Variants in IL15 observed in about 807,000 individuals in gnomAD.
IL15 encodes interleukin-15.
A neutral mutation model predicts 19.6 loss-of-function variants in IL15; 11 were observed. That is an observed-to-expected ratio of 0.56 (90% confidence interval 0.35 to 0.93). The LOEUF (loss-of-function observed/expected upper bound fraction) is 0.93. IL15 is among the 40% of genes least tolerant of loss of function. The probability of loss-of-function intolerance (pLI) is 0.01; values close to 1 mark genes in which losing one functional copy is unlikely to be tolerated. For synonymous variants in IL15, 58 were observed against 59.6 expected, an observed-to-expected ratio of 0.97 and a Z score of 0.12; for missense variants, 197 against 186.5, an observed-to-expected ratio of 1.06 and a Z score of -0.33.
At chr4:141,683,299 G>T (rs548047359) in intron 2 of IL15, among the ~76,000 whole-genome samples, 42 of 151,448 alleles carry the variant, frequency 2.8e-4, no homozygotes, top group South Asian at 1.9e-3. Flanking sequence ...GGCTGGGCGC[G>T]GTGGCTCATG....
intron 4 of IL15, chr4:141,721,705 T>G (rs1730087262): frequency 1.8e-6 from 1 of 561,250 alleles, no homozygotes; most frequent in African/African-American, 1.9e-5. Context: ...TTTTCTCTAA[T>G]CCGGGTTGGT....
In IL15 at chr4:141,642,684, C is replaced by T. The variant is rs1212187293; in HGVS notation, c.-222+5936C>T. Among the ~76,000 whole-genome samples the T allele has an allele frequency of 4.6e-5, 7 of 152,324 alleles. 1 individual carries two copies. The East Asian group carries it at 1.3e-3, about 29-fold the overall frequency. Reference sequence around the variant, plus strand: ...TCAGTGTCCAGACACACTTGCCATTCTTTGTCAGCCTTCATGGGTCCTGCT... The same window carrying T: ...TCAGTGTCCAGACACACTTGCCATTTTTTGTCAGCCTTCATGGGTCCTGCT... On this transcript the variant is annotated intron_variant, in intron 1 of 7. Transcript: ENST00000320650.
At chr4:141,675,714 C>A (rs1218412981) in intron 2 of IL15, among the ~76,000 whole-genome samples, 2 of 150,868 alleles carry the variant, frequency 1.3e-5, no homozygotes, top group Non-Finnish European at 2.9e-5. Flanking sequence ...TGAGGACTGC[C>A]ACTTTGATTG....
At position 141,709,628 on chromosome 4, in the gene IL15, T is replaced by A. The variant is rs116689267; in HGVS notation, c.-99-9738T>A. Reference sequence around the variant, plus strand: ...CTAGCCTTACTGATTTCTGTATATGTTTAAATTTCTAAAAACTATGTTAAA... The same window carrying A: ...CTAGCCTTACTGATTTCTGTATATGATTAAATTTCTAAAAACTATGTTAAA... On this transcript the variant is annotated intron_variant, in intron 2 of 7. Coordinates refer to ENST00000320650, the MANE Select transcript of IL15 (RefSeq NM_000585.5). 2.3e-3 allele frequency among the ~76,000 whole-genome samples: 348 copies of A among 152,338 alleles called. 2 individuals are homozygous for A. The highest frequency in any genetic ancestry group is 0.02 in the Middle Eastern group (6 of 294).
intron 2 of IL15, among the ~76,000 whole-genome samples, chr4:141,661,891 GTC>G (rs1373816775): frequency 6.6e-6 from 1 of 151,882 alleles, no homozygotes. Context: ...TTTTTTCTGT[GTC>G]TCATGATGAT....
At chr4:141,659,412 A>G (rs1727716285) in intron 2 of IL15, among the ~76,000 whole-genome samples, 2 of 151,874 alleles carry the variant, frequency 1.3e-5, no homozygotes, top group South Asian at 4.1e-4. Context: ...CATGTTGGTC[A>G]GGCTGGTCTC....
intron 2 of IL15, among the ~76,000 whole-genome samples, chr4:141,697,608 T>A (rs1257551757): frequency 1.3e-5 from 2 of 152,108 alleles, no homozygotes; most frequent in Non-Finnish European, 2.9e-5. Flanking sequence ...GGCAATATGG[T>A]CATTTTCACA....
At chr4:141,659,538 C>T (rs1727721199) in intron 2 of IL15, among the ~76,000 whole-genome samples, 1 of 152,084 alleles carries the variant, frequency 6.6e-6, no homozygotes, top group Admixed American at 6.6e-5. Context: ...GTATTGCTAC[C>T]ATTGAGGGGT....
intron 1 of IL15, among the ~76,000 whole-genome samples, chr4:141,644,731 C>A (rs1408453219): frequency 1.3e-5 from 2 of 152,086 alleles, no homozygotes; most frequent in Non-Finnish European, 2.9e-5. Flanking sequence ...CTGTGACCTT[C>A]CCCTTGTCCC....
chr4:141,698,630 G>A (rs1729180307), intron 2 of IL15, among the ~76,000 whole-genome samples: 1 of 151,966 alleles, frequency 6.6e-6, no homozygotes, highest in Non-Finnish European at 1.5e-5. Flanking sequence ...GCATAAAGTT[G>A]TCCATAGTAG....
chr4:141,646,603 A>G (rs1275507976), intron 1 of IL15, among the ~76,000 whole-genome samples: 3 of 152,138 alleles, frequency 2.0e-5, no homozygotes, highest in African/African-American at 2.4e-5. Flanking sequence ...GGAAAGTAAT[A>G]TAGTGTGTTT....
intron 2 of IL15, among the ~76,000 whole-genome samples, chr4:141,666,461 T>A (rs1373201516): frequency 6.6e-6 from 1 of 152,094 alleles, no homozygotes; most frequent in African/African-American, 2.4e-5. Flanking sequence ...ACTCAGGTGA[T>A]CCTCCCATCT....
chr4:141,720,118 C>T lies in IL15; in HGVS notation c.13-351C>T, dbSNP rs192203965. On this transcript the variant is annotated intron_variant, in intron 3 of 7. Transcript: ENST00000320650. ...ACCTGTGCTGTATAAAATATTTTGA[C>T]CTATTAAAAAAGAAAGAAGGATGAG... Among the ~76,000 whole-genome samples, 3 of 151,540 alleles carry T rather than the reference C, an allele frequency of 2.0e-5. No homozygotes were observed. The East Asian group carries it at 5.8e-4, about 29-fold the overall frequency.
intron 2 of IL15, among the ~76,000 whole-genome samples, chr4:141,684,168 A>C (rs949315689): frequency 6.6e-6 from 1 of 152,222 alleles, no homozygotes; most frequent in Non-Finnish European, 1.5e-5. Flanking sequence ...ACAGAAGTTT[A>C]GCATGTAATC....
At chr4:141,645,383 A>G (rs1417201150) in intron 1 of IL15, among the ~76,000 whole-genome samples, 2 of 152,172 alleles carry the variant, frequency 1.3e-5, no homozygotes, top group East Asian at 1.9e-4. Context: ...ACCTGAGAGC[A>G]CATGTAATAG....
chr4:141,683,651 C>G (rs17007530), intron 2 of IL15, among the ~76,000 whole-genome samples: 3,391 of 151,892 alleles, frequency 0.022, 131 homozygotes, highest in African/African-American at 0.077. Context: ...CTGCACTGTG[C>G]GAACCTGGAA....
intron 2 of IL15, among the ~76,000 whole-genome samples, chr4:141,679,994 G>A (rs1354829180): frequency 1.3e-5 from 2 of 152,186 alleles, no homozygotes; most frequent in Non-Finnish European, 2.9e-5. Flanking sequence ...AACCAAAACA[G>A]AACAAAACTA....
At chr4:141,666,506 C>G (rs1194701947) in intron 2 of IL15, among the ~76,000 whole-genome samples, 1 of 152,066 alleles carries the variant, frequency 6.6e-6, no homozygotes, top group Non-Finnish European at 1.5e-5. Flanking sequence ...CAGGTGCACA[C>G]CACCCTGCCT....
chr4:141,672,597 C>T lies in IL15; in HGVS notation c.-100+16290C>T, dbSNP rs1178725894. Among the ~76,000 whole-genome samples, 5 of 152,134 alleles carry T rather than the reference C, an allele frequency of 3.3e-5. No homozygotes were observed. In the East Asian group the frequency reaches 9.6e-4, roughly 29 times the overall value. On this transcript the variant is annotated intron_variant, in intron 2 of 7. Coordinates refer to ENST00000320650, the MANE Select transcript of IL15 (RefSeq NM_000585.5). ...AGGGTATGTGTGCTAAAGCAGAAAA[C>T]ACAAACTTGTCCATTTTGGTAAAAT...
Sources: allele counts gnomAD v4.1 joint callset (sites outside exome capture counted in the v4.1 genomes callset), GRCh38; gene constraint gnomAD v4.1.1; transcripts MANE v1.5; gene names NCBI Gene and HGNC (gene_info 2026-07-23, HGNC 2026-07-21).